EVL: variants seen among roughly 807,000 people sequenced by gnomAD.
EVL encodes the protein ena/VASP-like protein.
EVL carries 21 observed loss-of-function variants against 59.6 expected under a neutral mutation model. The observed-to-expected ratio is 0.35, with a 90% CI of 0.25 to 0.51. EVL has a LOEUF of 0.51. Ranked by LOEUF, EVL falls within the 20% of genes least tolerant of loss-of-function variation. The probability of loss-of-function intolerance (pLI) is 0.97; values close to 1 mark genes in which losing one functional copy is unlikely to be tolerated. For synonymous variants in EVL, 198 were observed against 203.5 expected (o/e 0.97, Z 0.23); for missense variants, 462 against 546.6 (o/e 0.85, Z 1.54).
At chr14:100,086,005 T>G (rs1461856731) in intron 2 of EVL, among the ~76,000 whole-genome samples, 1 of 152,146 alleles carries the variant, frequency 6.6e-6, no homozygotes, top group Non-Finnish European at 1.5e-5. Flanking sequence ...GGCGGGCACC[T>G]GTAGTCCCAG....
intron 11 of EVL, chr14:100,140,017 G>GTCT: frequency 6.6e-6 from 1 of 152,258 alleles, no homozygotes; most frequent in Non-Finnish European, 1.5e-5. Flanking sequence ...ACTTTGGGAG[G>GTCT]CCGAGGCGGG....
intron 2 of EVL, among the ~76,000 whole-genome samples, chr14:100,092,102 G>A (rs72711939): frequency 0.018 from 2,700 of 151,954 alleles, 35 homozygotes; most frequent in Non-Finnish European, 0.027. Context: ...AATTAGCTAG[G>A]CATGGTGGCA....
chr14:100,023,361 A>T (rs537432979), intron 1 of EVL, among the ~76,000 whole-genome samples: 1 of 146,188 alleles, frequency 6.8e-6, no homozygotes, highest in East Asian at 2.0e-4. Context: ...CCCACCACCA[A>T]GCCCGGCTAA....
At position 100,130,033 on chromosome 14, in the gene EVL, A is replaced by G. The variant is rs1253007948; in HGVS notation, c.839+349A>G. On this transcript the variant is annotated intron_variant, in intron 7 of 13. Transcript: ENST00000392920. The surrounding 1 kb of genome is among the most constrained non-coding windows in gnomAD (Gnocchi z 4.8). ...CTCTTAAGATCCTAACAGAAATAAGATGTGGCCGCAGTGGTCGAGTTTGCA... is the reference window on the plus strand; with the variant it reads ...CTCTTAAGATCCTAACAGAAATAAGGTGTGGCCGCAGTGGTCGAGTTTGCA... 6.6e-6 allele frequency among the ~76,000 whole-genome samples: 1 copy of G among 152,218 alleles called. No individual in the cohort carries two copies. The highest frequency in any genetic ancestry group is 1.5e-5 in the Non-Finnish European group (1 of 68,036).
At chr14:100,095,206 C>G (rs1885721989) in intron 2 of EVL, among the ~76,000 whole-genome samples, 1 of 152,212 alleles carries the variant, frequency 6.6e-6, no homozygotes, top group African/African-American at 2.4e-5. Context: ...TTCAGTATCT[C>G]TTAACCATTC....
chr14:99,977,648 C>A (rs950011137), intron 1 of EVL, among the ~76,000 whole-genome samples: 3 of 152,008 alleles, frequency 2.0e-5, no homozygotes, highest in Non-Finnish European at 2.9e-5. Flanking sequence ...GTTGGCCAGG[C>A]TGGTCTCAGA....
chr14:99,985,921 A>T (rs1174439048), intron 1 of EVL, among the ~76,000 whole-genome samples: 2 of 152,166 alleles, frequency 1.3e-5, no homozygotes, highest in Non-Finnish European at 2.9e-5. Context: ...AAGATGTTCG[A>T]CCTAGCACAC....
chr14:100,009,877 T>A (rs1052453365), intron 1 of EVL, among the ~76,000 whole-genome samples: 5 of 152,234 alleles, frequency 3.3e-5, no homozygotes, highest in Non-Finnish European at 7.3e-5. Context: ...GTAGGTAAAT[T>A]TAAACATTTT....
chr14:100,046,041 T>C (rs550307940), intron 1 of EVL, among the ~76,000 whole-genome samples: 5 of 152,248 alleles, frequency 3.3e-5, no homozygotes, highest in African/African-American at 1.2e-4. Flanking sequence ...CATTTTGTCA[T>C]TGGAAAAAAA....
chr14:99,971,460 G>T (rs1487862508), exon 1 of EVL: 1 of 151,710 alleles, frequency 6.6e-6, no homozygotes, highest in Non-Finnish European at 1.5e-5. Context: ...GTGGGGCCCC[G>T]CGCCTTTTGT....
chr14:100,034,927 T>C (rs1401110199), intron 1 of EVL, among the ~76,000 whole-genome samples: 1 of 152,214 alleles, frequency 6.6e-6, no homozygotes, highest in Non-Finnish European at 1.5e-5. Flanking sequence ...CAAAAATGCT[T>C]AGTAAACAGT....
Position 100,040,920 on chromosome 14 carries a change from T to C in EVL, c.6-43767T>C, listed in dbSNP as rs2061458264. On this transcript the variant is annotated intron_variant, in intron 1 of 13. Coordinates refer to the EVL transcript ENST00000402714. ...TTAGCACATTCCCCCTGAAAAAGCA[T>C]AATATGCTTAAGCTACAACGTTTGT... is the stretch of plus-strand genomic sequence containing the variant. Among the ~76,000 whole-genome samples, 3 of 152,168 alleles carry C rather than the reference T, an allele frequency of 2.0e-5. No individual in the cohort carries two copies. The South Asian group carries it at 6.2e-4, about 31-fold the overall frequency.
At chr14:100,110,588 G>A (rs1595196651) in intron 3 of EVL, among the ~76,000 whole-genome samples, 1 of 152,100 alleles carries the variant, frequency 6.6e-6, no homozygotes, top group African/African-American at 2.4e-5. Flanking sequence ...GATCTTGGTG[G>A]TTTGGAAGTT....
intron 11 of EVL, chr14:100,138,024 C>T (rs1220318505): frequency 1.2e-5 from 7 of 601,944 alleles, no homozygotes; most frequent in Non-Finnish European, 1.8e-5. Context: ...AGGGCAGTGA[C>T]CTGTCCACAG....
intron 1 of EVL, among the ~76,000 whole-genome samples, chr14:100,010,046 A>G (rs1328772470): frequency 6.6e-6 from 1 of 152,180 alleles, no homozygotes; most frequent in African/African-American, 2.4e-5. Flanking sequence ...TCAGACTTAA[A>G]AGGGTGCCTG....
At chr14:99,981,072 CAAA>C (rs750621318) in intron 1 of EVL, among the ~76,000 whole-genome samples, 1 of 126,006 alleles carries the variant, frequency 7.9e-6, no homozygotes, top group African/African-American at 2.9e-5. Context: ...GATCCTATCT[CAAA>C]AAAAAAAAAA....
At chr14:100,038,771 G>GAT (rs1555415168) in intron 1 of EVL, among the ~76,000 whole-genome samples, 1 of 140,916 alleles carries the variant, frequency 7.1e-6, no homozygotes, top group Admixed American at 7.2e-5. Flanking sequence ...TGTGCCCTGG[G>GAT]GTGTGTGTGT....
chr14:100,143,628 G>C (rs923634231), intron 13 of EVL, 73 bp from the exon 14 acceptor site: 63 of 1,579,750 alleles, frequency 4.0e-5, no homozygotes, highest in Non-Finnish European at 4.8e-5. Context: ...CACGCCAGGG[G>C]TGCGGGGCCC....
chr14:100,031,403 G>A (rs1208546344), intron 1 of EVL, among the ~76,000 whole-genome samples: 1 of 152,182 alleles, frequency 6.6e-6, no homozygotes, highest in East Asian at 1.9e-4. Context: ...GATAAAATAG[G>A]AATAATATTT....
Sources: gnomAD v4.1 joint callset for allele counts (sites outside exome capture counted in the v4.1 genomes callset) on GRCh38, gnomAD v4.1.1 for gene constraint, Gnocchi (gnomAD v3.1) non-coding constraint, MANE v1.5 for transcripts, NCBI Gene and HGNC (gene_info 2026-07-23, HGNC 2026-07-21) for gene names.